The following LAMA5 variants were observed in gnomAD, a reference collection of about 807,000 sequenced individuals.
LAMA5 encodes the protein laminin subunit alpha 5.
In LAMA5, 260 loss-of-function variants were observed where a neutral mutation model predicts 433.4. The observed-to-expected ratio is 0.60, with a 90% CI of 0.54 to 0.66. The LOEUF (loss-of-function observed/expected upper bound fraction) is 0.66. LAMA5 is among the 30% of genes least tolerant of loss of function. LAMA5 has a pLI of 0.00. For missense variants in LAMA5, 5,378 were observed against 5,258.5 expected, an observed-to-expected ratio of 1.02 and a Z score of -0.70; for synonymous variants, 2,620 against 2,226.6, an observed-to-expected ratio of 1.18 and a Z score of -4.97.
At chr20:62,309,584 T>TAGGAGGGTGGTAGGGGGGTGGG in intron 79 of LAMA5, 109 bp from the exon 80 acceptor site, 1 of 181,718 alleles carries the variant, frequency 5.5e-6, no homozygotes. Context: ...TTCCACATCA[T>TAGGAGGGTGGTAGGGGGGTGGG]AGGAGGGTGG....
rs1986812905 is a variant in LAMA5, at chr20:62,315,201, G to A, written c.7874C>T (p.Thr2625Ile). Residue 2625 changes from threonine to isoleucine, a missense_variant, in exon 59 of 80, where the codon ACA (threonine) becomes ATA (isoleucine). By Grantham distance (89) the Thr-to-Ile change is moderately conservative. Transcript: ENST00000252999. Reference sequence around the variant, plus strand: ...CTTGGCATGTGCGATCTTCTTGCTTGTCTCGTCTGTGGTGGGCAGAGGGCA... The same window carrying A: ...CTTGGCATGTGCGATCTTCTTGCTTATCTCGTCTGTGGTGGGCAGAGGGCA... Reference protein sequence around the residue: ...QAMLAMDTDETSKKIAHAKAV... With the variant: ...QAMLAMDTDEISKKIAHAKAV... 1.2e-6 allele frequency: 2 copies of A among 1,605,998 alleles called. No individual in the cohort carries two copies. Among genetic ancestry groups the A allele is most frequent in the Non-Finnish European group, 8.5e-7 (1 of 1,176,546 alleles).
chr20:62,313,488 C>A, intron 63 of LAMA5, 28 bp from the exon 64 acceptor site: 1 of 1,579,676 alleles, frequency 6.3e-7, no homozygotes. Flanking sequence ...GGTCAGGGCA[C>A]CTGGCCTGAG....
At position 62,366,835 on chromosome 20, in the gene LAMA5, CAG is replaced by C. The variant is rs1005333592; in HGVS notation, c.297+112_297+113del. The C allele has an allele frequency of 9.0e-6, 11 of 1,220,572 alleles. No individual in the cohort carries two copies. The African/African-American group carries it at 1.2e-4, about 14-fold the overall frequency. 75.6% of individuals were successfully genotyped at this position (1,220,572 alleles called of 1,614,324 possible). A position where few individuals can be genotyped will look rare whatever the true frequency, so the allele number is the denominator to read the frequency against. On this transcript the variant is annotated intron_variant, in intron 1 of 79. Coordinates refer to ENST00000252999, the MANE Select transcript of LAMA5 (RefSeq NM_005560.6). The stretch of plus-strand genomic sequence containing the variant: ...TTCTTGGGCCCCCAAAATGCGGAAC[CAG>C]AGAGTCCGCACCTGGACTCGCCCCG...
In LAMA5 at chr20:62,351,790, G is replaced by A. The variant is rs1176994586; in HGVS notation, c.870C>T (p.Ser290=). Residue 290 remains serine (S), a synonymous_variant, in exon 6 of 80, where the codon AGC becomes AGT. Coordinates refer to ENST00000252999, the MANE Select transcript of LAMA5 (RefSeq NM_005560.6). ...DPTVTRRYYY[S]IKDISIGGRC... is the part of the protein sequence containing the mutation. ...GGCCTCCGATGCTGATATCCTTGATGCTGTAATAATACTGCACCCGCAGGC... is the reference window on the plus strand; with the variant it reads ...GGCCTCCGATGCTGATATCCTTGATACTGTAATAATACTGCACCCGCAGGC... 1.9e-6 allele frequency: 3 copies of A among 1,608,958 alleles called. No individual in the cohort carries two copies. Among genetic ancestry groups the A allele is most frequent in the Non-Finnish European group, 2.5e-6 (3 of 1,178,922 alleles).
At chr20:62,355,437 C>G (rs1298580816) in intron 2 of LAMA5, 2 of 152,592 alleles carry the variant, frequency 1.3e-5, no homozygotes, top group East Asian at 3.9e-4. Context: ...CCACAGACCC[C>G]TCATAGCTTC....
At chr20:62,365,453 C>T (rs1601443562) in intron 1 of LAMA5, among the ~76,000 whole-genome samples, 1 of 152,226 alleles carries the variant, frequency 6.6e-6, no homozygotes, top group Non-Finnish European at 1.5e-5. Context: ...ACAGAGGAGA[C>T]AGATCTGAGA....
chr20:62,316,199 C>T, intron 57 of LAMA5, 141 bp from the exon 58 acceptor site: 1 of 644,678 alleles, frequency 1.6e-6, no homozygotes, highest in Admixed American at 2.5e-5. Flanking sequence ...CATGGAGTCC[C>T]TTAGCCTGTG....
At chr20:62,348,774 C>CAGTGGAAGAGAGATTTAGTGA (rs1326432222) in intron 6 of LAMA5, among the ~76,000 whole-genome samples, 3 of 151,980 alleles carry the variant, frequency 2.0e-5, no homozygotes, top group Non-Finnish European at 4.4e-5. Context: ...CAGACAGACA[C>CAGTGGAAGAGAGATTTAGTGA]AGTGGAAGAG....
intron 48 of LAMA5, 30 bp from the exon 49 acceptor site, chr20:62,320,920 G>A (rs1987635111): frequency 1.9e-6 from 3 of 1,593,646 alleles, no homozygotes; most frequent in Non-Finnish European, 2.6e-6. Context: ...ACAGGTCAGT[G>A]TCATTGGGTC....
chr20:62,320,540 G>A lies in LAMA5; in HGVS notation c.6759+19C>T, dbSNP rs1266572425. On this transcript the variant is annotated intron_variant, in intron 50 of 79. Coordinates refer to ENST00000252999, the MANE Select transcript of LAMA5 (RefSeq NM_005560.6). ...AGGTGAAAGCCTCCCGGGGCCCTGG[G>A]GGGTCTTGGGGCTCCTGCCTGGCCG... 1.3e-6 allele frequency: 2 copies of A among 1,567,476 alleles called. No homozygotes were observed. The highest frequency in any genetic ancestry group is 1.7e-6 in the Non-Finnish European group (2 of 1,161,438).
intron 64 of LAMA5, 29 bp from the exon 65 acceptor site, chr20:62,313,279 G>A: frequency 1.3e-6 from 2 of 1,539,586 alleles, no homozygotes; most frequent in Non-Finnish European, 1.8e-6. Context: ...GGGGTCAGCG[G>A]AGGGTGGGGT....
At position 62,311,802 on chromosome 20, in the gene LAMA5, G is replaced by A. The variant is rs765127793; in HGVS notation, c.9636-18C>T. ...GCCAGACTCTGGGGGGCGGGAGGCC[G>A]GAGGCTCGGTTTTTCCCCACCCTGC... On this transcript the variant is annotated intron_variant, in intron 70 of 79. Coordinates refer to ENST00000252999, the MANE Select transcript of LAMA5 (RefSeq NM_005560.6). 88 of 1,557,590 alleles carry A rather than the reference G, an allele frequency of 5.6e-5. No individual in the cohort carries two copies. Among genetic ancestry groups the A allele is most frequent in the South Asian group, 2.0e-4 (16 of 81,448 alleles).
intron 79 of LAMA5, 109 bp downstream of exon 79, chr20:62,309,607 A>AGGAGGGTGGGAGGGGGCAGGGGGG (rs1985913760): frequency 6.2e-5 from 21 of 340,046 alleles, no homozygotes; most frequent in East Asian, 1.0e-4. Context: ...GGGGGGTGGG[A>AGGAGGGTGGGAGGGGGCAGGGGGG]GGAGGGTGGG....
At chr20:62,366,815 G>T in intron 1 of LAMA5, 134 bp downstream of exon 1, 1 of 1,184,448 alleles carries the variant, frequency 8.4e-7, no homozygotes. Flanking sequence ...GTGCCTTCTT[G>T]GGCCCCCAAA....
In LAMA5 at chr20:62,309,847, G is replaced by A. The variant is rs935547382; in HGVS notation, c.10829-12C>T. 2.5e-6 allele frequency: 4 copies of A among 1,611,336 alleles called. No homozygotes were observed. Among genetic ancestry groups the A allele is most frequent in the Non-Finnish European group, 3.4e-6 (4 of 1,179,574 alleles). On this transcript the variant is annotated splice_polypyrimidine_tract_variant and intron_variant, in intron 78 of 79. Coordinates refer to ENST00000252999, the MANE Select transcript of LAMA5 (RefSeq NM_005560.6). ...CCCGCTTTTCATCACTGGGAGAAAG[G>A]GGGACTCCTGAGGCCAGGTGGTCCT...
At position 62,331,165 on chromosome 20, in the gene LAMA5, G is replaced by A. The variant is rs200148291; in HGVS notation, c.3553-36C>T. ...AGGGACGAGATGCTGCAACGCCCGT[G>A]GTGCGGGGAGGATAGGGGGTGCAGG... On this transcript the variant is annotated intron_variant, in intron 28 of 79. Transcript: ENST00000252999. The A allele has an allele frequency of 3.2e-4, 443 of 1,403,840 alleles. 2 individuals are homozygous for A. In the African/African-American group the frequency reaches 5.9e-3, roughly 19 times the overall value. The allele number at this position is 1,403,840 out of a possible 1,614,324, so 87.0% of individuals were successfully genotyped here. A position where few individuals can be genotyped will look rare whatever the true frequency, so the allele number is the denominator to read the frequency against.
Position 62,311,694 on chromosome 20 carries a change from CG to C in LAMA5, c.9725del (p.Pro3242ArgfsTer47). ...PELQPQPEGP[P>X]RLLLGGLPES... ...CAGGCAGGCCTCCCAGGAGGAGCCT[CG>C]GGGGCCCCTCAGGCTGCGGCTGGAG... On this transcript the variant is annotated frameshift_variant, in exon 71 of 80. Coordinates refer to ENST00000252999, the MANE Select transcript of LAMA5 (RefSeq NM_005560.6). LOFTEE classifies it high-confidence loss of function. 1 of 1,579,910 alleles carries C rather than the reference CG, an allele frequency of 6.3e-7. No homozygotes were observed.
rs201613863 is a variant in LAMA5 at position 62,336,340 on chromosome 20, G to A, written c.2323C>T (p.Arg775Cys). The A allele has an allele frequency of 8.0e-5, 129 of 1,602,872 alleles. No homozygotes were observed. The highest frequency in any genetic ancestry group is 3.2e-4 in the South Asian group (29 of 90,346). ...CCCCAATACTCCAGGGCACACTCAC[G>A]GGTACAGCCCTCGGGGTTGCTGGGG... ...LSPSNPEGCT[R>C]CSCDLRGTLG... Residue 775 changes from arginine (R) to cysteine (C), a missense_variant and splice_region_variant, in exon 18 of 80, where the codon CGC (arginine) becomes TGC (cysteine). Coordinates refer to ENST00000252999, the MANE Select transcript of LAMA5 (RefSeq NM_005560.6).
Position 62,338,254 on chromosome 20 carries a change from G to A in LAMA5, c.1734C>T (p.Tyr578=). The change falls in exon 13 of 80, where the codon TAC becomes TAT. Residue 578 remains tyrosine (Y), a synonymous_variant. Coordinates refer to ENST00000252999, the MANE Select transcript of LAMA5 (RefSeq NM_005560.6). Reference sequence around the variant, plus strand: ...CACACTGGCAGAGAGGGAAGTGAAAGTAGCCGGGGGCACAGCGATCACATG... The same window carrying A: ...CACACTGGCAGAGAGGGAAGTGAAAATAGCCGGGGGCACAGCGATCACATG... ...GATCDRCAPG[Y]FHFPLCQLCG... is the part of the protein sequence containing the mutation. 1.3e-6 allele frequency: 2 copies of A among 1,598,978 alleles called. No homozygotes were observed. The highest frequency in any genetic ancestry group is 1.7e-6 in the Non-Finnish European group (2 of 1,171,976).
Sources: allele counts gnomAD v4.1 joint callset (sites outside exome capture counted in the v4.1 genomes callset), GRCh38; gene constraint gnomAD v4.1.1; transcripts MANE v1.5; gene names NCBI Gene and HGNC (gene_info 2026-07-23, HGNC 2026-07-21).